The following INVS variants were observed in gnomAD, a reference collection of about 807,000 sequenced individuals.
INVS encodes inversion of embryo turning homolog.
INVS carries 86 observed loss-of-function variants against 108.8 expected under a neutral mutation model. The ratio of observed to expected loss-of-function variants is 0.79; its 90% CI spans 0.66 to 0.95. The LOEUF is 0.95. Ranked by LOEUF, INVS falls within the 40% of genes least tolerant of loss-of-function variation. INVS has a pLI of 0.00. For missense variants in INVS, 1,169 were observed against 1,297.4 expected (o/e 0.90, Z 1.52); for synonymous variants, 455 against 473.5 (o/e 0.96, Z 0.51).
intron 3 of INVS, among the ~76,000 whole-genome samples, chr9:100,183,851 A>G (rs972826483): frequency 6.6e-6 from 1 of 151,454 alleles, no homozygotes; most frequent in African/African-American, 2.4e-5. Flanking sequence ...CTAAAGATAA[A>G]CAATTATTTT....
chr9:100,296,795 G>A (rs1564195303), intron 14 of INVS, 122 bp from the exon 15 acceptor site: 2 of 774,300 alleles, frequency 2.6e-6, no homozygotes, highest in Non-Finnish European at 2.2e-6. Context: ...AGGAATGGGA[G>A]CTTGAATGAA....
chr9:100,146,791 T>C (rs1025404775), intron 3 of INVS, among the ~76,000 whole-genome samples: 2 of 152,242 alleles, frequency 1.3e-5, no homozygotes, highest in African/African-American at 4.8e-5. Flanking sequence ...ATAGCTAACA[T>C]ATGGATGAAT....
intron 3 of INVS, among the ~76,000 whole-genome samples, chr9:100,149,718 A>G (rs1369197570): frequency 6.6e-6 from 1 of 152,208 alleles, no homozygotes; most frequent in African/African-American, 2.4e-5. Context: ...TAAAATGTAT[A>G]GTCACTAGGA....
At chr9:100,161,606 G>A (rs769807105) in intron 3 of INVS, among the ~76,000 whole-genome samples, 24 of 152,178 alleles carry the variant, frequency 1.6e-4, no homozygotes, top group Non-Finnish European at 2.6e-4. Flanking sequence ...CTGTTGAGTG[G>A]CTGGCCAGAT....
intron 3 of INVS, among the ~76,000 whole-genome samples, chr9:100,139,040 A>C (rs1828333658): frequency 6.6e-6 from 1 of 152,164 alleles, no homozygotes; most frequent in Non-Finnish European, 1.5e-5. Flanking sequence ...ACATTATTTA[A>C]TCAAAACAGA....
intron 6 of INVS, among the ~76,000 whole-genome samples, chr9:100,240,811 A>G (rs543098072): frequency 1.3e-5 from 2 of 151,462 alleles, no homozygotes; most frequent in East Asian, 3.9e-4. Context: ...CTATCTTTCT[A>G]TTCTTAGTGT....
chr9:100,274,986 A>G (rs965655298), intron 12 of INVS, among the ~76,000 whole-genome samples: 1 of 152,232 alleles, frequency 6.6e-6, no homozygotes, highest in Admixed American at 6.5e-5. Context: ...AAATACCACT[A>G]TGTACTGGAA....
intron 12 of INVS, among the ~76,000 whole-genome samples, chr9:100,273,527 CTTTTTTTTT>C (rs58458085): frequency 8.3e-5 from 8 of 96,276 alleles, no homozygotes; most frequent in African/African-American, 2.3e-4. Context: ...CCACTCAGTT[CTTTTTTTTT>C]TTTTTTTTTT....
intron 2 of INVS, among the ~76,000 whole-genome samples, chr9:100,105,564 G>A (rs1827145238): frequency 6.6e-6 from 1 of 152,140 alleles, no homozygotes; most frequent in Non-Finnish European, 1.5e-5. Flanking sequence ...ACTCTGTGAA[G>A]ATTTCTCTTC....
chr9:100,125,800 C>G (rs555033589), intron 2 of INVS, among the ~76,000 whole-genome samples: 6 of 151,554 alleles, frequency 4.0e-5, no homozygotes, highest in African/African-American at 7.3e-5. Context: ...ATTCTCCTGC[C>G]TCAACCTCCC....
intron 3 of INVS, among the ~76,000 whole-genome samples, chr9:100,202,714 TG>T (rs1419300978): frequency 1.3e-5 from 2 of 152,220 alleles, no homozygotes; most frequent in Admixed American, 1.3e-4. Flanking sequence ...TCCAAAGTTT[TG>T]TTCTTTCCAC....
chr9:100,137,956 CT>C (rs1828282169), intron 3 of INVS, among the ~76,000 whole-genome samples: 1 of 152,066 alleles, frequency 6.6e-6, no homozygotes, highest in Non-Finnish European at 1.5e-5. Flanking sequence ...GATTTTTTTG[CT>C]GTTTTTTAAC....
intron 12 of INVS, among the ~76,000 whole-genome samples, chr9:100,278,104 G>A (rs1038355452): frequency 3.3e-5 from 5 of 151,854 alleles, no homozygotes; most frequent in Non-Finnish European, 1.5e-5. Context: ...GTGTGTAGTG[G>A]CTTATACCTG....
intron 2 of INVS, among the ~76,000 whole-genome samples, chr9:100,105,764 A>G (rs1392324795): frequency 1.3e-5 from 2 of 149,508 alleles, no homozygotes; most frequent in Non-Finnish European, 3.0e-5. Flanking sequence ...AGTTTTGACC[A>G]TCAGTTTTCC....
At chr9:100,267,036 A>AAG (rs1832814991) in intron 11 of INVS, among the ~76,000 whole-genome samples, 1 of 151,164 alleles carries the variant, frequency 6.6e-6, no homozygotes, top group Non-Finnish European at 1.5e-5. Flanking sequence ...AAAAAAAAAA[A>AAG]AAAAAAAGAA....
intron 3 of INVS, chr9:100,129,587 A>G (rs1011638955): frequency 2.4e-5 from 13 of 538,762 alleles, no homozygotes; most frequent in Middle Eastern, 3.5e-4. Context: ...CTAGGCATCA[A>G]TTCTGGCCAT....
intron 3 of INVS, 143 bp from the exon 4 acceptor site, chr9:100,225,919 A>C: frequency 1.6e-6 from 1 of 625,422 alleles, no homozygotes; most frequent in South Asian, 2.1e-5. Flanking sequence ...AGTATAGTGG[A>C]ATTACAAGCA....
intron 3 of INVS, among the ~76,000 whole-genome samples, chr9:100,188,640 T>TC (rs1341407359): frequency 6.6e-6 from 1 of 151,160 alleles, no homozygotes; most frequent in East Asian, 1.9e-4. Flanking sequence ...TCTTTCTTTT[T>TC]TTTTTTTTTT....
chr9:100,128,640 C>T (rs1331582377), intron 3 of INVS, among the ~76,000 whole-genome samples: 1 of 152,138 alleles, frequency 6.6e-6, no homozygotes, highest in African/African-American at 2.4e-5. Context: ...ATACTCCTTG[C>T]CCCCAAAGAG....
Sources: allele counts gnomAD v4.1 joint callset (sites outside exome capture counted in the v4.1 genomes callset), GRCh38; gene constraint gnomAD v4.1.1; transcripts MANE v1.5; gene names NCBI Gene and HGNC (gene_info 2026-07-23, HGNC 2026-07-21).